The following CHRM3 variants were observed in gnomAD, a reference collection of about 807,000 sequenced individuals.
CHRM3 encodes the protein cholinergic receptor muscarinic 3, also known as muscarinic acetylcholine receptor M3.
CHRM3 carries 11 observed loss-of-function variants against 41.8 expected under a neutral mutation model. The observed-to-expected ratio is 0.26, with a 90% CI of 0.17 to 0.44. CHRM3 has a LOEUF of 0.44. Among genes scored for constraint, CHRM3 ranks in the 20% least tolerant of loss-of-function variants. The probability of loss-of-function intolerance (pLI) is 1.00; values close to 1 mark genes in which losing one functional copy is unlikely to be tolerated. For synonymous variants in CHRM3, 297 were observed against 301.4 expected (o/e 0.99, Z 0.15); for missense variants, 571 against 745.4 (o/e 0.77, Z 2.72).
chr1:239,724,712 A>G (rs1038227792), intron 5 of CHRM3, among the ~76,000 whole-genome samples: 8 of 151,908 alleles, frequency 5.3e-5, no homozygotes, highest in Non-Finnish European at 1.2e-4. Flanking sequence ...GAGCTCCTTC[A>G]TCTTCCTCCC....
In CHRM3 at chr1:239,458,808, A is replaced by G. The variant is rs554799087; in HGVS notation, c.-520-33901A>G. ...AAATTGACTTGGTATTGTTATGGGCATAATGATCCAGACTCAAAACTCTGA... is the reference window on the plus strand; with the variant it reads ...AAATTGACTTGGTATTGTTATGGGCGTAATGATCCAGACTCAAAACTCTGA... On this transcript the variant is annotated intron_variant, in intron 1 of 6. Transcript: ENST00000676153. Among the ~76,000 whole-genome samples, 4 of 152,336 alleles carry G rather than the reference A, an allele frequency of 2.6e-5. No individual in the cohort carries two copies. The East Asian group carries it at 7.7e-4, about 29-fold the overall frequency.
intron 3 of CHRM3, among the ~76,000 whole-genome samples, chr1:239,592,264 A>G (rs1664257671): frequency 6.6e-6 from 1 of 152,220 alleles, no homozygotes; most frequent in South Asian, 2.1e-4. Flanking sequence ...ATTGCAGTGA[A>G]GAGGTTTTTG....
intron 2 of CHRM3, among the ~76,000 whole-genome samples, chr1:239,533,656 A>C (rs1454968703): frequency 1.4e-5 from 2 of 145,166 alleles, no homozygotes; most frequent in African/African-American, 5.1e-5. Flanking sequence ...GCTGGAACCC[A>C]GGAGGCAGAG....
At chr1:239,527,630 C>T (rs1247299133) in intron 2 of CHRM3, among the ~76,000 whole-genome samples, 1 of 147,320 alleles carries the variant, frequency 6.8e-6, no homozygotes, top group Non-Finnish European at 1.5e-5. Flanking sequence ...AGCTCTGAGC[C>T]CCCACATCAG....
chr1:239,645,403 A>G (rs1044006430), intron 4 of CHRM3, among the ~76,000 whole-genome samples: 17 of 152,254 alleles, frequency 1.1e-4, no homozygotes, highest in Non-Finnish European at 2.2e-4. Flanking sequence ...AGTACATTAT[A>G]TGATCACAGA....
chr1:239,673,083 G>A (rs982833397), intron 4 of CHRM3, among the ~76,000 whole-genome samples: 2 of 152,118 alleles, frequency 1.3e-5, no homozygotes, highest in African/African-American at 4.8e-5. Flanking sequence ...TCAAATGCAC[G>A]TTCTTCCTGC....
rs145984254 is a variant in CHRM3, at chr1:239,779,507, G to A, written c.-146-47745G>A. On this transcript the variant is annotated intron_variant, in intron 5 of 6. Coordinates refer to ENST00000676153, the MANE Select transcript of CHRM3 (RefSeq NM_001375978.1). ...CCAACACTTCGGGAGGCCGAGGCAG[G>A]TGGATCACTTGAGGCCGGGAGTTTG... is the stretch of plus-strand genomic sequence containing the variant. Among the ~76,000 whole-genome samples the A allele has an allele frequency of 4.4e-3, 675 of 152,376 alleles. 2 individuals carry two copies. The highest frequency in any genetic ancestry group is 7.0e-3 in the Non-Finnish European group (479 of 68,042).
At chr1:239,890,052 C>T (rs575193166) in intron 6 of CHRM3, among the ~76,000 whole-genome samples, 66 of 152,246 alleles carry the variant, frequency 4.3e-4, no homozygotes, top group East Asian at 9.7e-4. Context: ...TGGTGGCTCA[C>T]GCCTGTAATC....
chr1:239,510,159 T>C (rs892041686), intron 2 of CHRM3, among the ~76,000 whole-genome samples: 1 of 152,294 alleles, frequency 6.6e-6, no homozygotes, highest in East Asian at 1.9e-4. Flanking sequence ...TCCTGAGATA[T>C]AAAAGAAGCT....
At chr1:239,893,777 A>G (rs1355062846) in intron 6 of CHRM3, among the ~76,000 whole-genome samples, 1 of 152,158 alleles carries the variant, frequency 6.6e-6, no homozygotes, top group Non-Finnish European at 1.5e-5. Context: ...TGTCCCTGAA[A>G]AAACAATCGA....
intron 5 of CHRM3, among the ~76,000 whole-genome samples, chr1:239,720,834 T>C (rs1336907263): frequency 1.3e-5 from 2 of 151,920 alleles, no homozygotes; most frequent in Non-Finnish European, 2.9e-5. Context: ...TAAGAGCAAG[T>C]GATAGCCCCT....
intron 1 of CHRM3, among the ~76,000 whole-genome samples, chr1:239,423,198 G>T (rs543760738): frequency 6.6e-6 from 1 of 152,050 alleles, no homozygotes; most frequent in Non-Finnish European, 1.5e-5. Flanking sequence ...ATCTTCTTCC[G>T]CATTTTTTCT....
At chr1:239,731,329 A>G (rs1386814879) in intron 5 of CHRM3, among the ~76,000 whole-genome samples, 1 of 151,942 alleles carries the variant, frequency 6.6e-6, no homozygotes, top group East Asian at 1.9e-4. Flanking sequence ...GGAGGAGAAC[A>G]TAGCCGGCCT....
intron 6 of CHRM3, among the ~76,000 whole-genome samples, chr1:239,872,175 G>GTGTT (rs1676644847): frequency 6.6e-6 from 1 of 152,174 alleles, no homozygotes; most frequent in Non-Finnish European, 1.5e-5. Context: ...CAAGACTTGT[G>GTGTT]TGTTTAGAAA....
chr1:239,404,410 A>AAGAGAAAG (rs1210507333), intron 1 of CHRM3, among the ~76,000 whole-genome samples: 8 of 51,770 alleles, frequency 1.5e-4, no homozygotes, highest in East Asian at 7.9e-4. Context: ...GAAAGAAAGA[A>AAGAGAAAG]AAAGAAAGAA....
chr1:239,542,909 T>C (rs1658915817), intron 2 of CHRM3, among the ~76,000 whole-genome samples: 1 of 152,268 alleles, frequency 6.6e-6, no homozygotes, highest in Non-Finnish European at 1.5e-5. Flanking sequence ...TCCTATTATG[T>C]ATGTAGCAGA....
chr1:239,904,891 A>G (rs949742464), intron 6 of CHRM3, among the ~76,000 whole-genome samples: 2 of 152,210 alleles, frequency 1.3e-5, no homozygotes, highest in African/African-American at 4.8e-5. Context: ...ACATGTGTAC[A>G]TGTATTTATA....
chr1:239,511,020 C>G (rs1320427691), intron 2 of CHRM3, among the ~76,000 whole-genome samples: 1 of 152,082 alleles, frequency 6.6e-6, no homozygotes, highest in East Asian at 1.9e-4. Flanking sequence ...AGAAACACCT[C>G]TATAAGGGAA....
Position 239,790,437 on chromosome 1 carries a change from A to G in CHRM3, c.-146-36815A>G, listed in dbSNP as rs546046012. ...GTTTTCATGGTAGTGAATAAATCTC[A>G]TGAGATCTGATGGTTTTATAAAGGG... On this transcript the variant is annotated intron_variant, in intron 5 of 6. Transcript: ENST00000676153. 4.6e-5 allele frequency among the ~76,000 whole-genome samples: 7 copies of G among 152,160 alleles called. No homozygotes were observed. In the South Asian group the frequency reaches 1.5e-3, roughly 32 times the overall value.
Sources: gnomAD v4.1 joint callset for allele counts (sites outside exome capture counted in the v4.1 genomes callset) on GRCh38, gnomAD v4.1.1 for gene constraint, MANE v1.5 for transcripts, NCBI Gene and HGNC (gene_info 2026-07-23, HGNC 2026-07-21) for gene names.